The following CRYBG1 variants were observed in gnomAD, a reference collection of about 807,000 sequenced individuals.
CRYBG1 encodes crystallin beta-gamma domain containing 1, also known as beta/gamma crystallin domain-containing protein 1.
Under a neutral mutation model 189.2 loss-of-function variants are expected in CRYBG1, and 139 were observed. The observed-to-expected ratio is 0.73, with a 90% CI of 0.64 to 0.85. The LOEUF (loss-of-function observed/expected upper bound fraction) is 0.85. Among genes scored for constraint, CRYBG1 ranks in the 40% least tolerant of loss-of-function variants. The pLI, the probability that CRYBG1 is intolerant of heterozygous loss-of-function variation, is 0.00. For synonymous variants in CRYBG1, 1,023 were observed against 1,017.1 expected (o/e 1.01, Z -0.11); for missense variants, 2,611 against 2,675.8 (o/e 0.98, Z 0.53).
chr6:106,539,465 AC>A lies in CRYBG1; in HGVS notation c.4784del (p.Pro1595LeufsTer19). 2 of 1,613,956 alleles carry A rather than the reference AC, an allele frequency of 1.2e-6. No homozygotes were observed. Among genetic ancestry groups the A allele is most frequent in the Non-Finnish European group, 1.7e-6 (2 of 1,179,880 alleles). ...GVPFILEPGEYPDLSFWDTEE... is the reference protein window; with the variant it reads ...GVPFILEPGEXPDLSFWDTEE... ...CCTTTCATCCTGGAACCTGGTGAAT[AC>A]CCTGACTTGTCCTTCTGGGATACAG... On this transcript the variant is annotated frameshift_variant, in exon 9 of 22. Coordinates refer to ENST00000633556, the MANE Select transcript of CRYBG1 (RefSeq NM_001371242.2). LOFTEE classifies it high-confidence loss of function.
At chr6:106,414,072 C>G (rs772813215) in intron 1 of CRYBG1, among the ~76,000 whole-genome samples, 2 of 152,218 alleles carry the variant, frequency 1.3e-5, no homozygotes, top group East Asian at 3.8e-4. Flanking sequence ...TCTCTCAGCA[C>G]AGCAAGCTCC....
intron 1 of CRYBG1, among the ~76,000 whole-genome samples, chr6:106,374,313 T>A (rs9480660): frequency 0.026 from 3,997 of 152,138 alleles, 168 homozygotes; most frequent in African/African-American, 0.091. Flanking sequence ...CAGCACAATG[T>A]GAGGCTAAGG....
rs1470980976 is a variant in CRYBG1, at chr6:106,551,864, T to C, written c.5325T>C (p.Tyr1775=). ...INVLSGVWVA[Y]ENPDFTGEQY... is the part of the protein sequence containing the mutation. Reference sequence around the variant, plus strand: ...TTTTGTTTCTTAGATGGGTAGCCTATGAAAATCCTGACTTCACAGGAGAAC... The same window carrying C: ...TTTTGTTTCTTAGATGGGTAGCCTACGAAAATCCTGACTTCACAGGAGAAC... The change falls in exon 14 of 22, where the codon TAT becomes TAC. Residue 1775 remains tyrosine (Y), a synonymous_variant. Transcript: ENST00000633556. 6.2e-7 allele frequency: 1 copy of C among 1,612,410 alleles called. No individual in the cohort carries two copies. Among genetic ancestry groups the C allele is most frequent in the Non-Finnish European group, 8.5e-7 (1 of 1,179,152 alleles).
At chr6:106,551,645 A>C (rs1676009) in intron 13 of CRYBG1, among the ~76,000 whole-genome samples, 3 of 152,176 alleles carry the variant, frequency 2.0e-5, no homozygotes, top group African/African-American at 7.2e-5. Context: ...CAGTGTATAA[A>C]TGTTCCCTCT....
At chr6:106,485,213 C>G (rs1042332618) in intron 2 of CRYBG1, among the ~76,000 whole-genome samples, 1 of 151,916 alleles carries the variant, frequency 6.6e-6, no homozygotes, top group African/African-American at 2.4e-5. Flanking sequence ...ATTTTACTTC[C>G]TTGGTTAAAT....
chr6:106,511,161 C>A (rs1420296248), intron 2 of CRYBG1, among the ~76,000 whole-genome samples: 1 of 152,090 alleles, frequency 6.6e-6, no homozygotes. Flanking sequence ...ATTATTTGGA[C>A]CGTTCAAATT....
At chr6:106,430,623 T>G (rs1035407861) in intron 1 of CRYBG1, among the ~76,000 whole-genome samples, 3 of 151,964 alleles carry the variant, frequency 2.0e-5, no homozygotes, top group African/African-American at 7.3e-5. Context: ...TAGGGTGGCT[T>G]GAATAGTGGC....
chr6:106,487,547 A>G (rs1772619678), intron 2 of CRYBG1, among the ~76,000 whole-genome samples: 1 of 152,072 alleles, frequency 6.6e-6, no homozygotes, highest in South Asian at 2.1e-4. Context: ...GAAGCTCTCA[A>G]TGGTATTTTT....
intron 2 of CRYBG1, among the ~76,000 whole-genome samples, chr6:106,508,223 A>G (rs530743939): frequency 6.6e-6 from 1 of 152,362 alleles, no homozygotes; most frequent in East Asian, 1.9e-4. Context: ...AGGCTGGTCA[A>G]TACAGTGAGA....
Position 106,553,530 on chromosome 6 carries a change from T to G in CRYBG1, c.5548T>G (p.Ser1850Ala), listed in dbSNP as rs995326072. Reference protein sequence around the residue: ...FEETTSQIDDSFSTKSCRVSG... With the variant: ...FEETTSQIDDAFSTKSCRVSG... Reference sequence around the variant, plus strand: ...AGAAACAACAAGTCAAATTGATGATTCATTTTCTACCAAGTCTTGCAGAGT... The same window carrying G: ...AGAAACAACAAGTCAAATTGATGATGCATTTTCTACCAAGTCTTGCAGAGT... The change falls in exon 16 of 22, where the codon TCA becomes GCA. Residue 1850 changes from serine to alanine, a missense_variant. Ser to Ala is a moderately conservative substitution (Grantham distance 99). This residue lies in a region of CRYBG1 where 1,622 missense variants were observed against 1,735.0 expected (regional missense o/e 0.93). Transcript: ENST00000633556. 3 of 1,613,918 alleles carry G rather than the reference T, an allele frequency of 1.9e-6. No homozygotes were observed. The highest frequency in any genetic ancestry group is 2.5e-6 in the Non-Finnish European group (3 of 1,179,766).
chr6:106,541,479 A>C, intron 9 of CRYBG1, 107 bp from the exon 10 acceptor site: 1 of 1,087,790 alleles, frequency 9.2e-7, no homozygotes, highest in East Asian at 2.4e-5. Context: ...ACAAACCAGA[A>C]CATAGTCACA....
intron 1 of CRYBG1, among the ~76,000 whole-genome samples, chr6:106,412,527 G>A (rs912995601): frequency 2.8e-4 from 43 of 152,212 alleles, no homozygotes; most frequent in African/African-American, 1.0e-3. Context: ...TTACATTACT[G>A]TTTTACCCCA....
rs770774366 is a variant in CRYBG1, at chr6:106,544,666, G to A, written c.5135G>A (p.Gly1712Glu). The A allele has an allele frequency of 6.2e-7, 1 of 1,614,102 alleles. No individual in the cohort carries two copies. The highest frequency in any genetic ancestry group is 1.1e-5 in the South Asian group (1 of 91,072). Residue 1712 changes from glycine to glutamate, a missense_variant, in exon 12 of 22, where the codon GGA becomes GAA. Gly to Glu is a moderately conservative substitution (Grantham distance 98). This residue lies in a region of CRYBG1 where 1,622 missense variants were observed against 1,735.0 expected (regional missense o/e 0.93). Transcript: ENST00000633556. Reference protein sequence around the residue: ...RDWKAWGGYNGELQSLRPILG... With the variant: ...RDWKAWGGYNEELQSLRPILG... ...TGGAAAGCCTGGGGAGGTTACAATG[G>A]AGAGCTTCAGTCTTTACGACCTATA...
At chr6:106,518,204 A>G (rs1010274591) in intron 3 of CRYBG1, among the ~76,000 whole-genome samples, 1 of 152,210 alleles carries the variant, frequency 6.6e-6, no homozygotes, top group Non-Finnish European at 1.5e-5. Context: ...AACATATAAA[A>G]ATGTTAACAG....
chr6:106,406,838 G>A (rs190862732), intron 1 of CRYBG1, among the ~76,000 whole-genome samples: 4 of 152,132 alleles, frequency 2.6e-5, no homozygotes, highest in African/African-American at 9.7e-5. Context: ...AGCAAATGCC[G>A]AGATATTTTA....
intron 1 of CRYBG1, among the ~76,000 whole-genome samples, chr6:106,421,525 G>A (rs1771122582): frequency 6.6e-6 from 1 of 152,160 alleles, no homozygotes; most frequent in Admixed American, 6.5e-5. Context: ...AGGGCTTTTA[G>A]TACCACTAGA....
chr6:106,474,910 G>A (rs2114472102), intron 2 of CRYBG1, among the ~76,000 whole-genome samples: 1 of 152,260 alleles, frequency 6.6e-6, no homozygotes, highest in South Asian at 2.1e-4. Context: ...TGGTATGTGA[G>A]CTTCCACTTA....
At chr6:106,482,824 C>T (rs990251655) in intron 2 of CRYBG1, among the ~76,000 whole-genome samples, 2 of 151,530 alleles carry the variant, frequency 1.3e-5, no homozygotes, top group African/African-American at 4.8e-5. Context: ...ATTCTTCCTA[C>T]CACAAATATT....
chr6:106,528,331 T>C (rs1773801126), intron 7 of CRYBG1, among the ~76,000 whole-genome samples: 1 of 152,216 alleles, frequency 6.6e-6, no homozygotes, highest in Non-Finnish European at 1.5e-5. Flanking sequence ...TCCTCATTAG[T>C]GGAATATTTT....
Sources: gnomAD v4.1 joint callset for allele counts (sites outside exome capture counted in the v4.1 genomes callset) on GRCh38, gnomAD v4.1.1 for gene constraint, gnomAD v4.1.1 regional missense constraint, MANE v1.5 for transcripts, NCBI Gene and HGNC (gene_info 2026-07-23, HGNC 2026-07-21) for gene names.